Variants in TMEM132C observed in about 807,000 individuals in gnomAD.
The protein encoded by TMEM132C is transmembrane protein 132C, also known as protein phosphatase 1, regulatory subunit 152.
Under a neutral mutation model 61.4 loss-of-function variants are expected in TMEM132C, and 29 were observed. The ratio of observed to expected loss-of-function variants is 0.47; its 90% CI spans 0.35 to 0.64. The LOEUF (loss-of-function observed/expected upper bound fraction) is 0.64, where lower values mean the gene tolerates loss of function less well. Ranked by LOEUF, TMEM132C falls within the 30% of genes least tolerant of loss-of-function variation. TMEM132C has a pLI of 0.00. For synonymous variants in TMEM132C, 656 were observed against 633.1 expected (o/e 1.04, Z -0.54); for missense variants, 1,408 against 1,476.9 (o/e 0.95, Z 0.76).
At chr12:128,643,324 G>A (rs1223548326) in intron 4 of TMEM132C, among the ~76,000 whole-genome samples, 1 of 152,146 alleles carries the variant, frequency 6.6e-6, no homozygotes, top group African/African-American at 2.4e-5. Flanking sequence ...TCAACCCAGG[G>A]CCGCAAGGGA....
chr12:128,519,847 G>A (rs1174738109), intron 2 of TMEM132C, among the ~76,000 whole-genome samples: 1 of 152,212 alleles, frequency 6.6e-6, no homozygotes, highest in African/African-American at 2.4e-5. Context: ...GTAAGGTCCA[G>A]AAACCTCCTC....
At position 128,553,601 on chromosome 12, in the gene TMEM132C, G is replaced by A. The variant is rs570932334; in HGVS notation, c.1121+9498G>A. Among the ~76,000 whole-genome samples, 38 of 152,246 alleles carry A rather than the reference G, an allele frequency of 2.5e-4. 1 individual carries two copies. In the South Asian group the frequency reaches 5.4e-3, roughly 22 times the overall value. On this transcript the variant is annotated intron_variant, in intron 3 of 8. Transcript: ENST00000435159. The stretch of plus-strand genomic sequence containing the variant: ...GAATTTATTTAGAAAGCCCCCTATC[G>A]CGGGGCACCTGGGTTGTTTGTTCTC...
chr12:128,381,110 G>T (rs1212996510), intron 1 of TMEM132C, among the ~76,000 whole-genome samples: 1 of 152,172 alleles, frequency 6.6e-6, no homozygotes, highest in East Asian at 1.9e-4. Context: ...CCGCAGAAAG[G>T]CCACTTGCTT....
intron 1 of TMEM132C, among the ~76,000 whole-genome samples, chr12:128,306,816 T>C (rs150453391): frequency 6.0e-4 from 92 of 152,282 alleles, no homozygotes; most frequent in Non-Finnish European, 1.1e-3. Context: ...AAGTAAATTA[T>C]TGCTGAAATG....
chr12:128,471,769 G>A (rs1870960908), intron 2 of TMEM132C, among the ~76,000 whole-genome samples: 1 of 152,120 alleles, frequency 6.6e-6, no homozygotes, highest in African/African-American at 2.4e-5. Flanking sequence ...TACCCGCTAG[G>A]GCTATGTGGA....
intron 3 of TMEM132C, among the ~76,000 whole-genome samples, chr12:128,600,063 A>G (rs1176683843): frequency 6.6e-6 from 1 of 152,040 alleles, no homozygotes; most frequent in Non-Finnish European, 1.5e-5. Flanking sequence ...GCTCACTGCA[A>G]GCTCCGCCTC....
At chr12:128,309,720 T>C (rs2135925820) in intron 1 of TMEM132C, among the ~76,000 whole-genome samples, 1 of 150,852 alleles carries the variant, frequency 6.6e-6, no homozygotes, top group African/African-American at 2.5e-5. Flanking sequence ...CTTCATTCCT[T>C]TTTTTCTTTT....
At chr12:128,686,470 G>A (rs1323510848) in intron 5 of TMEM132C, among the ~76,000 whole-genome samples, 1 of 152,186 alleles carries the variant, frequency 6.6e-6, no homozygotes, top group Non-Finnish European at 1.5e-5. Flanking sequence ...GTGTGTGCCT[G>A]TAGTCCCAGC....
chr12:128,597,820 G>A (rs12231271), intron 3 of TMEM132C, among the ~76,000 whole-genome samples: 1 of 152,334 alleles, frequency 6.6e-6, no homozygotes, highest in East Asian at 1.9e-4. Context: ...GTCTGCCTGA[G>A]GCGGGTGTTT....
At position 128,286,393 on chromosome 12, in the gene TMEM132C, G is replaced by A. The variant is rs558388842; in HGVS notation, c.85+18906G>A. Among the ~76,000 whole-genome samples the A allele has an allele frequency of 1.4e-3, 219 of 152,268 alleles. 1 individual carries two copies. Among genetic ancestry groups the A allele is most frequent in the African/African-American group, 4.7e-3 (196 of 41,544 alleles). The stretch of plus-strand genomic sequence containing the variant: ...GCACATTGATTGGGCTATGATGAAC[G>A]GGAATATGATGCTCAGTTTGTGAGG... On this transcript the variant is annotated intron_variant, in intron 1 of 8. Transcript: ENST00000435159.
At chr12:128,648,341 G>A (rs1021514914) in intron 4 of TMEM132C, among the ~76,000 whole-genome samples, 2 of 151,126 alleles carry the variant, frequency 1.3e-5, no homozygotes, top group Admixed American at 1.3e-4. Context: ...GAGTCCATCA[G>A]CATTGGATAT....
intron 4 of TMEM132C, among the ~76,000 whole-genome samples, chr12:128,631,914 A>T (rs1370921999): frequency 6.6e-6 from 1 of 152,184 alleles, no homozygotes; most frequent in Non-Finnish European, 1.5e-5. Flanking sequence ...AGCCACCCTG[A>T]CTGTGACTGG....
rs78812674 is a variant in TMEM132C, at chr12:128,358,571, G to A, written c.86-56161G>A. ...ACTTCCTAAAGAACCAGTACGTGGCGTGATAGTTTTAGGAGCTAAGTGTCT... is the reference window on the plus strand; with the variant it reads ...ACTTCCTAAAGAACCAGTACGTGGCATGATAGTTTTAGGAGCTAAGTGTCT... On this transcript the variant is annotated intron_variant, in intron 1 of 8. Transcript: ENST00000435159. Among the ~76,000 whole-genome samples, 300 of 150,254 alleles carry A rather than the reference G, an allele frequency of 2.0e-3. 3 individuals are homozygous for A. The highest frequency in any genetic ancestry group is 6.8e-3 in the African/African-American group (279 of 40,870).
chr12:128,559,115 AAACAC>A (rs1211533808), intron 3 of TMEM132C, among the ~76,000 whole-genome samples: 6 of 151,386 alleles, frequency 4.0e-5, no homozygotes, highest in African/African-American at 1.5e-4. Context: ...ACACACACAC[AAACAC>A]ACACACAGAC....
intron 3 of TMEM132C, among the ~76,000 whole-genome samples, chr12:128,598,486 C>G (rs777527690): frequency 6.6e-6 from 1 of 152,052 alleles, no homozygotes; most frequent in Non-Finnish European, 1.5e-5. Context: ...TCCCCAGCCC[C>G]CCTTCCACCA....
At chr12:128,397,984 C>T (rs1875020853) in intron 1 of TMEM132C, among the ~76,000 whole-genome samples, 1 of 152,140 alleles carries the variant, frequency 6.6e-6, no homozygotes. Context: ...AAGACCATTC[C>T]TTATCCTATC....
chr12:128,428,854 A>G (rs200635187), intron 2 of TMEM132C, among the ~76,000 whole-genome samples: 5 of 152,240 alleles, frequency 3.3e-5, no homozygotes, highest in African/African-American at 1.2e-4. Context: ...CAGTAACACC[A>G]GCTCAGGGTT....
chr12:128,468,931 C>G (rs60264592), intron 2 of TMEM132C, among the ~76,000 whole-genome samples: 21,806 of 152,060 alleles, frequency 0.14, 2,502 homozygotes, highest in African/African-American at 0.31. Flanking sequence ...AATCATGAAT[C>G]AGACTCAATG....
chr12:128,294,282 CT>C, intron 1 of TMEM132C: 1 of 152,866 alleles, frequency 6.5e-6, no homozygotes, highest in Non-Finnish European at 1.5e-5. Flanking sequence ...ACGCGTCTCA[CT>C]TTTGGGGCTT....
Sources: gnomAD v4.1 joint callset for allele counts (sites outside exome capture counted in the v4.1 genomes callset) on GRCh38, gnomAD v4.1.1 for gene constraint, MANE v1.5 for transcripts, NCBI Gene and HGNC (gene_info 2026-07-23, HGNC 2026-07-21) for gene names.